The following ARHGAP32 variants were observed in gnomAD, a reference collection of about 807,000 sequenced individuals.
ARHGAP32 encodes Rho GTPase activating protein 32, also known as rho GTPase-activating protein 32.
Under a neutral mutation model 186.5 loss-of-function variants are expected in ARHGAP32, and 51 were observed. The ratio of observed to expected loss-of-function variants is 0.27; its 90% confidence interval spans 0.22 to 0.35. The LOEUF (loss-of-function observed/expected upper bound fraction) is 0.35, where lower values mean the gene tolerates loss of function less well. Ranked by LOEUF, ARHGAP32 falls within the 10% of genes least tolerant of loss-of-function variation. The probability of loss-of-function intolerance (pLI) is 1.00; values close to 1 mark genes in which losing one functional copy is unlikely to be tolerated. For missense variants in ARHGAP32, 2,186 were observed against 2,623.5 expected, an observed-to-expected ratio of 0.83 and a Z score of 3.64; for synonymous variants, 950 against 964.3, an observed-to-expected ratio of 0.99 and a Z score of 0.27.
At chr11:129,252,656 A>G (rs1945200696) in intron 1 of ARHGAP32, among the ~76,000 whole-genome samples, 1 of 152,206 alleles carries the variant, frequency 6.6e-6, no homozygotes, top group South Asian at 2.1e-4. Flanking sequence ...TTGCTACGTG[A>G]ATTTGCATTA....
rs1325440298 is a variant in ARHGAP32, at chr11:129,181,756, T to C, written c.116+10327A>G. ...TTGGTCACTTCCCACTCAAAATGTC[T>C]TATATACTATAATTCTTCATATGTA... On this transcript the variant is annotated intron_variant, in intron 1 of 22. Coordinates refer to ENST00000682385, the MANE Select transcript of ARHGAP32 (RefSeq NM_001378024.1). Among the ~76,000 whole-genome samples, 3 of 152,166 alleles carry C rather than the reference T, an allele frequency of 2.0e-5. No individual in the cohort carries two copies. The East Asian group carries it at 5.8e-4, about 29-fold the overall frequency.
At chr11:129,055,685 C>A (rs181071456) in intron 10 of ARHGAP32, among the ~76,000 whole-genome samples, 33 of 152,196 alleles carry the variant, frequency 2.2e-4, no homozygotes, top group African/African-American at 6.5e-4. Context: ...TCTGAAAAGG[C>A]CACATACTAT....
chr11:128,985,391 A>G (rs1945835457), intron 15 of ARHGAP32, among the ~76,000 whole-genome samples: 1 of 152,192 alleles, frequency 6.6e-6, no homozygotes, highest in Admixed American at 6.5e-5. Flanking sequence ...CTTAATTTGC[A>G]TATTACTAGA....
At chr11:129,145,910 T>C (rs1485990872) in intron 2 of ARHGAP32, among the ~76,000 whole-genome samples, 1 of 152,076 alleles carries the variant, frequency 6.6e-6, no homozygotes, top group Admixed American at 6.5e-5. Flanking sequence ...CGGGAGAGGA[T>C]AGGATAGAGA....
At chr11:129,116,355 G>T (rs1021999093) in intron 5 of ARHGAP32, among the ~76,000 whole-genome samples, 1 of 151,988 alleles carries the variant, frequency 6.6e-6, no homozygotes, top group African/African-American at 2.4e-5. Context: ...TCTCAAACGA[G>T]ATACAGTGAA....
Position 128,966,032 on chromosome 11 carries a change from T to C in ARHGAP32, c.*2875A>G, listed in dbSNP as rs1169300778. 2.0e-5 allele frequency: 3 copies of C among 152,166 alleles called. No individual in the cohort carries two copies. The highest frequency in any genetic ancestry group is 4.4e-5 in the Non-Finnish European group (3 of 68,028). 9.4% of individuals were successfully genotyped at this position (152,166 alleles called of 1,614,324 possible). A position where few individuals can be genotyped will look rare whatever the true frequency, so the allele number is the denominator to read the frequency against. ...AGGTTTGAAACGAAATTGAATATAG[T>C]AAGAAATAAGGCTCCAATGAAATTT... On this transcript the variant is annotated 3_prime_UTR_variant, in exon 23 of 23. Coordinates refer to ENST00000682385, the MANE Select transcript of ARHGAP32 (RefSeq NM_001378024.1).
At chr11:129,209,650 C>A (rs1422413437) in intron 1 of ARHGAP32, among the ~76,000 whole-genome samples, 4 of 134,318 alleles carry the variant, frequency 3.0e-5, no homozygotes, top group Non-Finnish European at 6.5e-5. Flanking sequence ...TGGTTCTATT[C>A]CTGGTTTACA....
At chr11:129,145,342 T>C (rs1388089258) in intron 2 of ARHGAP32, among the ~76,000 whole-genome samples, 1 of 151,982 alleles carries the variant, frequency 6.6e-6, no homozygotes, top group Non-Finnish European at 1.5e-5. Flanking sequence ...ATAAATGATA[T>C]AAATTCTGGG....
intron 11 of ARHGAP32, among the ~76,000 whole-genome samples, chr11:129,029,695 G>A (rs61910963): frequency 1.3e-5 from 2 of 150,996 alleles, no homozygotes; most frequent in Admixed American, 6.6e-5. Flanking sequence ...CCAGCTACTC[G>A]GGAGGCTGAG....
At chr11:129,204,965 T>C (rs7107034) in intron 1 of ARHGAP32, among the ~76,000 whole-genome samples, 3,087 of 152,266 alleles carry the variant, frequency 0.02, 58 homozygotes, top group African/African-American at 0.044. Flanking sequence ...GAAGCATTTT[T>C]CCCATTATCC....
At chr11:129,204,969 A>G (rs937673367) in intron 1 of ARHGAP32, among the ~76,000 whole-genome samples, 1 of 152,130 alleles carries the variant, frequency 6.6e-6, no homozygotes, top group Non-Finnish European at 1.5e-5. Flanking sequence ...CATTTTTCCC[A>G]TTATCCTTTC....
At chr11:129,171,069 G>C (rs770643019) in intron 1 of ARHGAP32, among the ~76,000 whole-genome samples, 1 of 152,160 alleles carries the variant, frequency 6.6e-6, no homozygotes, top group Non-Finnish European at 1.5e-5. Flanking sequence ...CTGGATATTA[G>C]ACCTTTGTCA....
chr11:129,277,234 G>C (rs1317969990), intron 1 of ARHGAP32, among the ~76,000 whole-genome samples: 2 of 152,110 alleles, frequency 1.3e-5, no homozygotes, highest in Non-Finnish European at 2.9e-5. Flanking sequence ...AGCACCGAGA[G>C]AGAGAGAAAG....
At chr11:129,129,572 G>C (rs541689688) in intron 2 of ARHGAP32, among the ~76,000 whole-genome samples, 1 of 152,250 alleles carries the variant, frequency 6.6e-6, no homozygotes, top group Non-Finnish European at 1.5e-5. Flanking sequence ...TGATGACGAC[G>C]GCGGTTTTGT....
intron 10 of ARHGAP32, among the ~76,000 whole-genome samples, chr11:129,059,573 C>T (rs1239600116): frequency 6.9e-6 from 1 of 145,430 alleles, no homozygotes; most frequent in African/African-American, 2.6e-5. Flanking sequence ...GATCTCAGCT[C>T]ACTGTAACCT....
intron 11 of ARHGAP32, among the ~76,000 whole-genome samples, chr11:129,017,872 A>G (rs910452045): frequency 3.3e-5 from 5 of 152,124 alleles, no homozygotes; most frequent in African/African-American, 1.2e-4. Context: ...CCTATCCCCA[A>G]TTGCTAAGAT....
chr11:129,216,240 G>A (rs1404411387), intron 1 of ARHGAP32, among the ~76,000 whole-genome samples: 8 of 152,026 alleles, frequency 5.3e-5, no homozygotes, highest in Non-Finnish European at 7.4e-5. Flanking sequence ...CCAGGGATTC[G>A]GATGCGGACA....
chr11:129,174,110 G>A (rs765418956), intron 1 of ARHGAP32, among the ~76,000 whole-genome samples: 5 of 152,216 alleles, frequency 3.3e-5, no homozygotes, highest in East Asian at 1.9e-4. Context: ...AAAGCAGGGC[G>A]AGGCATTGCC....
chr11:129,245,782 A>G, intron 1 of ARHGAP32, among the ~76,000 whole-genome samples: 1 of 151,884 alleles, frequency 6.6e-6, no homozygotes, highest in South Asian at 2.1e-4. Context: ...TCAAGTAGCC[A>G]AAGAATGACA....
Sources: allele counts gnomAD v4.1 joint callset (sites outside exome capture counted in the v4.1 genomes callset), GRCh38; gene constraint gnomAD v4.1.1; transcripts MANE v1.5; gene names NCBI Gene and HGNC (gene_info 2026-07-23, HGNC 2026-07-21).